Variants in NRG1 observed in about 807,000 individuals in gnomAD.
The protein encoded by NRG1 is pro-neuregulin-1, membrane-bound isoform.
Under a neutral mutation model 63.8 loss-of-function variants are expected in NRG1, and 18 were observed. That is an observed-to-expected ratio of 0.28 (90% CI 0.19 to 0.42). The LOEUF (loss-of-function observed/expected upper bound fraction) is 0.42. Among genes scored for constraint, NRG1 ranks in the 10% least tolerant of loss-of-function variants. The pLI is 1.00. For missense variants in NRG1, 762 were observed against 814.7 expected (o/e 0.94, Z 0.79); for synonymous variants, 302 against 301.3 (o/e 1.00, Z -0.02).
chr8:32,391,712 G>T (rs975982985), intron 1 of NRG1, among the ~76,000 whole-genome samples: 4 of 152,096 alleles, frequency 2.6e-5, no homozygotes, highest in African/African-American at 9.7e-5. Context: ...TTTTATGGCT[G>T]CATAGTATTC....
intron 1 of NRG1, among the ~76,000 whole-genome samples, chr8:31,775,616 G>A (rs941116520): frequency 5.3e-5 from 8 of 151,990 alleles, no homozygotes; most frequent in Admixed American, 3.9e-4. Context: ...GGCCGGGTGC[G>A]GTGGCTCACG....
intron 1 of NRG1, among the ~76,000 whole-genome samples, chr8:32,345,987 G>A (rs1057444199): frequency 4.6e-5 from 7 of 151,214 alleles, no homozygotes; most frequent in African/African-American, 1.7e-4. Flanking sequence ...CAGTCTGGGT[G>A]ACAGAGTGAA....
Position 31,934,652 on chromosome 8 carries a change from A to C in NRG1, c.37+295221A>C, listed in dbSNP as rs1218545071. Among the ~76,000 whole-genome samples the C allele has an allele frequency of 2.6e-5, 4 of 152,074 alleles. No homozygotes were observed. The East Asian group carries it at 7.8e-4, about 29-fold the overall frequency. ...TATTATCCACGGAAAGGGTACCCAC[A>C]TTTTACTTCTATGGATAAATTACAC... On this transcript the variant is annotated intron_variant, in intron 1 of 10. Transcript: ENST00000519301.
intron 5 of NRG1, among the ~76,000 whole-genome samples, chr8:32,697,254 C>G (rs2128951471): frequency 6.6e-6 from 1 of 152,328 alleles, no homozygotes. Context: ...CTAGTCACCT[C>G]TATGAGCTTT....
rs532353819 is a variant in NRG1, at chr8:32,630,981, A to G, written c.502+14096A>G. On this transcript the variant is annotated intron_variant, in intron 5 of 11. Transcript: ENST00000356819. ...TTGTGTCTGGGTTTATTTTTCTTTG[A>G]AATCAAAGAAGAAAAATACTGATTT... Among the ~76,000 whole-genome samples the G allele has an allele frequency of 4.6e-5, 7 of 152,162 alleles. No homozygotes were observed. The South Asian group carries it at 1.5e-3, about 32-fold the overall frequency.
chr8:32,429,170 T>C lies in NRG1; in HGVS notation c.38-166658T>C, dbSNP rs541592952. Among the ~76,000 whole-genome samples, 119 of 152,324 alleles carry C rather than the reference T, an allele frequency of 7.8e-4. 2 individuals carry two copies. In the South Asian group the frequency reaches 0.024, roughly 30 times the overall value. The stretch of plus-strand genomic sequence containing the variant: ...AACTAAACGAACAGGCTGTATGTTT[T>C]ACAATATGAATTGGGTTGTGATATA... On this transcript the variant is annotated intron_variant, in intron 1 of 10. Transcript: ENST00000519301.
chr8:32,756,552 A>G, intron 9 of NRG1, 23 bp downstream of exon 9: 1 of 1,594,046 alleles, frequency 6.3e-7, no homozygotes, highest in Non-Finnish European at 8.5e-7. Flanking sequence ...TGGCCAGTGG[A>G]AAAAACTGAG....
At chr8:32,378,701 G>A (rs1032897350) in intron 1 of NRG1, among the ~76,000 whole-genome samples, 5 of 152,114 alleles carry the variant, frequency 3.3e-5, no homozygotes, top group African/African-American at 9.7e-5. Flanking sequence ...CATGTGCCAT[G>A]TTGGTGTGCT....
At chr8:31,822,256 A>G (rs1824075259) in intron 1 of NRG1, among the ~76,000 whole-genome samples, 1 of 152,192 alleles carries the variant, frequency 6.6e-6, no homozygotes, top group Non-Finnish European at 1.5e-5. Context: ...TAGGAGCACT[A>G]AGAGTGTGGA....
intron 4 of NRG1, among the ~76,000 whole-genome samples, chr8:32,615,257 T>A (rs1310559161): frequency 6.6e-6 from 1 of 152,128 alleles, no homozygotes. Context: ...TCTTATTCTT[T>A]GTAATGCTAT....
At chr8:32,091,271 T>C (rs1829108820) in intron 1 of NRG1, among the ~76,000 whole-genome samples, 1 of 134,182 alleles carries the variant, frequency 7.5e-6, no homozygotes, top group East Asian at 3.0e-4. Context: ...GAGCGAGACT[T>C]GGTCTCAAAA....
intron 1 of NRG1, among the ~76,000 whole-genome samples, chr8:32,398,221 T>C (rs1205507006): frequency 1.3e-5 from 2 of 151,972 alleles, no homozygotes; most frequent in Non-Finnish European, 2.9e-5. Flanking sequence ...AAAAGAAAAG[T>C]CCACAGCTCA....
intron 5 of NRG1, among the ~76,000 whole-genome samples, chr8:32,627,577 G>T (rs561612924): frequency 6.6e-6 from 1 of 152,168 alleles, no homozygotes; most frequent in South Asian, 2.1e-4. Context: ...CAAAGTGCTG[G>T]GATTATAGAC....
At chr8:32,724,635 C>G (rs1455130806) in intron 5 of NRG1, among the ~76,000 whole-genome samples, 1 of 152,140 alleles carries the variant, frequency 6.6e-6, no homozygotes, top group African/African-American at 2.4e-5. Context: ...ATCTCCATCC[C>G]GGCTTCTTCC....
intron 1 of NRG1, among the ~76,000 whole-genome samples, chr8:32,096,164 AG>A (rs1292345794): frequency 1.3e-5 from 2 of 152,262 alleles, no homozygotes; most frequent in Non-Finnish European, 2.9e-5. Flanking sequence ...GAACACCAGG[AG>A]GAAACCAACA....
At chr8:32,523,514 G>T (rs941468113) in intron 1 of NRG1, among the ~76,000 whole-genome samples, 3 of 152,104 alleles carry the variant, frequency 2.0e-5, no homozygotes. Context: ...GGTAAACACT[G>T]GTAGATTTAA....
Position 32,136,050 on chromosome 8 carries a change from T to C in NRG1, c.38-459778T>C, listed in dbSNP as rs369653659. On this transcript the variant is annotated intron_variant, in intron 1 of 10. Transcript: ENST00000519301. ...AGATGAGGGTGGTGTAGGGAGATCA[T>C]TCTCTAGGTGCCCTTTGCATTTTTG... 1.6e-4 allele frequency among the ~76,000 whole-genome samples: 25 copies of C among 152,044 alleles called. No individual in the cohort carries two copies. In the East Asian group the frequency reaches 4.1e-3, roughly 25 times the overall value.
chr8:32,533,745 A>ATTC (rs1831685536), intron 1 of NRG1, among the ~76,000 whole-genome samples: 1 of 152,090 alleles, frequency 6.6e-6, no homozygotes. Context: ...AGTACCATGA[A>ATTC]AGTGATAACG....
chr8:32,149,905 T>C (rs1837312483), intron 1 of NRG1, among the ~76,000 whole-genome samples: 1 of 152,218 alleles, frequency 6.6e-6, no homozygotes, highest in African/African-American at 2.4e-5. Flanking sequence ...GAATACTAAA[T>C]AAAAGGATCA....
Sources: gnomAD v4.1 joint callset for allele counts (sites outside exome capture counted in the v4.1 genomes callset) on GRCh38, gnomAD v4.1.1 for gene constraint, MANE v1.5 for transcripts, NCBI Gene and HGNC (gene_info 2026-07-23, HGNC 2026-07-21) for gene names.